EIF2B3: variants seen among roughly 807,000 people sequenced by gnomAD.
The protein encoded by EIF2B3 is eukaryotic translation initiation factor 2B subunit gamma, also known as translation initiation factor eIF2B subunit gamma.
Under a neutral mutation model 54.1 loss-of-function variants are expected in EIF2B3, and 20 were observed. The observed-to-expected ratio is 0.37, with a 90% CI of 0.26 to 0.54. EIF2B3 has a LOEUF of 0.54. EIF2B3 is among the 20% of genes least tolerant of loss of function. The pLI, the probability that EIF2B3 is intolerant of heterozygous loss-of-function variation, is 0.86. For missense variants in EIF2B3, 448 were observed against 547.8 expected (o/e 0.82, Z 1.82); for synonymous variants, 153 against 188.1 (o/e 0.81, Z 1.52).
At chr1:44,863,002 C>A (rs1458309367) in intron 10 of EIF2B3, 5 of 152,204 alleles carry the variant, frequency 3.3e-5, no homozygotes, top group African/African-American at 1.2e-4. Flanking sequence ...AGGCAATGTG[C>A]ACAGGCCTAA....
intron 3 of EIF2B3, among the ~76,000 whole-genome samples, chr1:44,946,444 C>CCTTTTTTTTT: frequency 7.1e-6 from 1 of 140,344 alleles, no homozygotes; most frequent in Non-Finnish European, 1.5e-5. Context: ...TTCATAATAC[C>CCTTTTTTTTT]TTTTTTTTTT....
chr1:44,961,784 A>G (rs1162944969), intron 3 of EIF2B3, among the ~76,000 whole-genome samples: 10 of 152,208 alleles, frequency 6.6e-5, no homozygotes, highest in Admixed American at 6.5e-4. Context: ...GGGACTCATA[A>G]CTTCCAAGGT....
chr1:44,972,232 TACACAC>T (rs201511100), intron 3 of EIF2B3, among the ~76,000 whole-genome samples: 1 of 121,760 alleles, frequency 8.2e-6, no homozygotes, highest in South Asian at 2.6e-4. Context: ...TAAAAAAAAA[TACACAC>T]ACACACACAC....
At chr1:44,864,938 C>T (rs1480312674) in intron 10 of EIF2B3, among the ~76,000 whole-genome samples, 1 of 152,238 alleles carries the variant, frequency 6.6e-6, no homozygotes, top group African/African-American at 2.4e-5. Flanking sequence ...TGAAGCCAGG[C>T]TGGGCGTGGC....
chr1:44,976,445 C>A (rs12073834), intron 3 of EIF2B3, among the ~76,000 whole-genome samples: 9,726 of 152,208 alleles, frequency 0.064, 1,062 homozygotes, highest in African/African-American at 0.22. Context: ...AAAAGACTGA[C>A]AACACCAAGT....
At chr1:44,969,436 A>T (rs889978996) in intron 3 of EIF2B3, among the ~76,000 whole-genome samples, 1 of 152,230 alleles carries the variant, frequency 6.6e-6, no homozygotes, top group African/African-American at 2.4e-5. Context: ...CTGAAATTAT[A>T]TTTATGAGGC....
At chr1:44,915,343 G>C (rs1385903810) in intron 5 of EIF2B3, among the ~76,000 whole-genome samples, 1 of 151,934 alleles carries the variant, frequency 6.6e-6, no homozygotes, top group Non-Finnish European at 1.5e-5. Flanking sequence ...ATAGGGTCTC[G>C]TTCTGTCATC....
At chr1:44,857,577 T>C in intron 11 of EIF2B3, 127 bp downstream of exon 11, 1 of 900,488 alleles carries the variant, frequency 1.1e-6, no homozygotes, top group Non-Finnish European at 1.8e-6. Flanking sequence ...CAAAGATGGC[T>C]TTATCAATTT....
chr1:44,874,654 A>C, intron 10 of EIF2B3, 24 bp downstream of exon 10: 1 of 1,612,002 alleles, frequency 6.2e-7, no homozygotes, highest in Non-Finnish European at 8.5e-7. Context: ...TCTTTGCCTC[A>C]AGTGGGTACA....
chr1:44,961,179 T>TA (rs1644281231), intron 3 of EIF2B3, among the ~76,000 whole-genome samples: 1 of 147,044 alleles, frequency 6.8e-6, no homozygotes, highest in Non-Finnish European at 1.5e-5. Context: ...CTACAAAAAA[T>TA]AAAAAAAAGA....
chr1:44,916,783 G>C (rs1370830822), intron 5 of EIF2B3, among the ~76,000 whole-genome samples: 1 of 147,680 alleles, frequency 6.8e-6, no homozygotes, highest in Non-Finnish European at 1.5e-5. Context: ...CTGTACTCCA[G>C]CCTTGAGACA....
chr1:44,955,730 C>T (rs553586320), intron 3 of EIF2B3, among the ~76,000 whole-genome samples: 1 of 152,048 alleles, frequency 6.6e-6, no homozygotes, highest in South Asian at 2.1e-4. Flanking sequence ...CAAAAGAAGA[C>T]ATTTATGTGG....
chr1:44,877,244 CTCAA>C (rs909190524), intron 8 of EIF2B3, among the ~76,000 whole-genome samples: 2 of 140,384 alleles, frequency 1.4e-5, no homozygotes, highest in African/African-American at 5.6e-5. Context: ...GAACCCAGTG[CTCAA>C]TCAGAGATAC....
intron 8 of EIF2B3, among the ~76,000 whole-genome samples, chr1:44,878,748 TC>T (rs1413155292): frequency 6.6e-6 from 1 of 151,642 alleles, no homozygotes; most frequent in Non-Finnish European, 1.5e-5. Flanking sequence ...ATTTATCTTT[TC>T]CTATCCTCTT....
At chr1:44,911,976 G>A (rs1010558497) in intron 5 of EIF2B3, among the ~76,000 whole-genome samples, 5 of 150,012 alleles carry the variant, frequency 3.3e-5, no homozygotes, top group African/African-American at 1.2e-4. Flanking sequence ...TTGTTCTTGC[G>A]ATAGTTTACT....
Position 44,974,223 on chromosome 1 carries a change from C to T in EIF2B3, c.294+4092G>A, listed in dbSNP as rs263995. 6.8e-3 allele frequency among the ~76,000 whole-genome samples: 1,014 copies of T among 150,036 alleles called. 13 individuals carry two copies. Among genetic ancestry groups the T allele is most frequent in the African/African-American group, 0.024 (962 of 40,670 alleles). On this transcript the variant is annotated intron_variant, in intron 3 of 11. Transcript: ENST00000360403. ...GCATAGTGGCTCATGCCTGTAATCA[C>T]AGCATTTTGAGAGGGCAAGGTTGGG...
At chr1:44,936,729 C>A (rs1027762396) in intron 4 of EIF2B3, among the ~76,000 whole-genome samples, 4 of 152,004 alleles carry the variant, frequency 2.6e-5, no homozygotes, top group Non-Finnish European at 5.9e-5. Context: ...TAAAGTACTG[C>A]CATTTTACAT....
chr1:44,926,765 A>G, intron 4 of EIF2B3, 26 bp from the exon 5 acceptor site: 1 of 1,594,008 alleles, frequency 6.3e-7, no homozygotes. Flanking sequence ...GAAAAAAAAA[A>G]TCAAATAAAG....
intron 10 of EIF2B3, among the ~76,000 whole-genome samples, chr1:44,865,583 C>CTT (rs762960217): frequency 6.9e-6 from 1 of 145,902 alleles, no homozygotes. Flanking sequence ...TTGGTACCAA[C>CTT]TTTTTTTTTT....
Sources: allele counts gnomAD v4.1 joint callset (sites outside exome capture counted in the v4.1 genomes callset), GRCh38; gene constraint gnomAD v4.1.1; transcripts MANE v1.5; gene names NCBI Gene and HGNC (gene_info 2026-07-23, HGNC 2026-07-21).